Variants in GATAD2B observed in about 807,000 individuals in gnomAD.
GATAD2B encodes transcriptional repressor p66-beta.
A neutral mutation model predicts 64.3 loss-of-function variants in GATAD2B; 8 were observed. The observed-to-expected ratio is 0.12, with a 90% confidence interval of 0.07 to 0.22. GATAD2B has a LOEUF of 0.22. Ranked by LOEUF, GATAD2B falls within the 10% of genes least tolerant of loss-of-function variation. GATAD2B has a pLI of 1.00. For missense variants in GATAD2B, 453 were observed against 752.0 expected, an observed-to-expected ratio of 0.60 and a Z score of 4.65; for synonymous variants, 281 against 271.3, an observed-to-expected ratio of 1.04 and a Z score of -0.35.
intron 1 of GATAD2B, among the ~76,000 whole-genome samples, chr1:153,889,413 C>CAA (rs71093299): frequency 0.019 from 1,257 of 67,142 alleles, 33 homozygotes; most frequent in African/African-American, 0.055. Context: ...ACCCCGTCTC[C>CAA]AAAAAAAAAA....
intron 1 of GATAD2B, among the ~76,000 whole-genome samples, chr1:153,853,929 A>AC (rs939671690): frequency 6.6e-6 from 1 of 151,750 alleles, no homozygotes; most frequent in Non-Finnish European, 1.5e-5. Context: ...ATTCCCATCT[A>AC]CCCCCAGCCA....
intron 1 of GATAD2B, among the ~76,000 whole-genome samples, chr1:153,856,790 C>T (rs1446039822): frequency 1.3e-5 from 2 of 151,940 alleles, no homozygotes; most frequent in Non-Finnish European, 2.9e-5. Flanking sequence ...AAAAAGAATG[C>T]CTTTAACTTG....
intron 1 of GATAD2B, among the ~76,000 whole-genome samples, chr1:153,921,106 A>C (rs1678417124): frequency 6.6e-6 from 1 of 152,232 alleles, no homozygotes; most frequent in African/African-American, 2.4e-5. Flanking sequence ...ACAATACTTG[A>C]AAGGCTGCTC....
In GATAD2B at chr1:153,836,560, TA is replaced by T. The variant is rs944993342; in HGVS notation, c.-1-8213del. 8.9e-3 allele frequency among the ~76,000 whole-genome samples: 303 copies of T among 34,112 alleles called. 2 individuals carry two copies. Among genetic ancestry groups the T allele is most frequent in the Non-Finnish European group, 0.031 (242 of 7,734 alleles). The allele number at this position is 34,112 out of a possible 152,430, so 22.4% of individuals were successfully genotyped here. The stretch of plus-strand genomic sequence containing the variant: ...GCCACTGCACCCAGCCTAAAAAAGT[TA>T]AAAAAAAAAGGCATGGTGACTGAAG... On this transcript the variant is annotated intron_variant, in intron 1 of 10. Transcript: ENST00000368655.
At chr1:153,819,066 G>A in intron 3 of GATAD2B, 144 bp from the exon 4 acceptor site, 1 of 792,860 alleles carries the variant, frequency 1.3e-6, no homozygotes, top group Non-Finnish European at 2.0e-6. Context: ...TGTATCACTG[G>A]AGTCTGGCAC....
At chr1:153,864,705 C>T (rs11587151) in intron 1 of GATAD2B, among the ~76,000 whole-genome samples, 41,119 of 152,096 alleles carry the variant, frequency 0.27, 6,116 homozygotes, top group Admixed American at 0.38. Context: ...AACCAAGTAT[C>T]TAATTCTCAG....
intron 1 of GATAD2B, among the ~76,000 whole-genome samples, chr1:153,851,765 T>C (rs1675904911): frequency 6.6e-6 from 1 of 152,192 alleles, no homozygotes; most frequent in Non-Finnish European, 1.5e-5. Context: ...CACCAGTTTC[T>C]ACCCCAGCCC....
chr1:153,901,906 G>C (rs532443602), intron 1 of GATAD2B, among the ~76,000 whole-genome samples: 6 of 150,324 alleles, frequency 4.0e-5, no homozygotes, highest in Non-Finnish European at 7.4e-5. Context: ...GAACGTGCCC[G>C]GTCCTGTCTA....
intron 1 of GATAD2B, among the ~76,000 whole-genome samples, chr1:153,859,975 T>C (rs928450662): frequency 5.3e-5 from 7 of 132,422 alleles, no homozygotes; most frequent in Non-Finnish European, 9.3e-5. Flanking sequence ...TGGAGTGCAC[T>C]GGCGCGATCT....
intron 1 of GATAD2B, among the ~76,000 whole-genome samples, chr1:153,874,876 CTATT>C (rs763208540): frequency 2.8e-4 from 42 of 150,134 alleles, no homozygotes; most frequent in Non-Finnish European, 5.0e-4. Flanking sequence ...CACATCCAGC[CTATT>C]TATTTATTTT....
Position 153,816,429 on chromosome 1 carries a change from A to G in GATAD2B, c.1060T>C (p.Leu354=), listed in dbSNP as rs774329201. 5.6e-6 allele frequency: 9 copies of G among 1,614,074 alleles called. No homozygotes were observed. In the Admixed American group the frequency reaches 6.7e-5, roughly 12 times the overall value. Residue 354 remains leucine (L), a synonymous_variant, in exon 7 of 11, where the codon TTG becomes CTG. Transcript: ENST00000368655. This position sits in a 1 kb window ranked among gnomAD's most constrained non-coding sequence, Gnocchi z 4.9. ...TTTTCCAGCTGTTTGCGAAGAGCCA[A>G]TTTGGCTGCAGCCTGTGAGTTGGCA... is the stretch of plus-strand genomic sequence containing the variant. The part of the protein sequence containing the change: ...DAANSQAAAK[L]ALRKQLEKTL...
chr1:153,920,325 C>CA (rs759714345), intron 1 of GATAD2B, among the ~76,000 whole-genome samples: 21 of 151,730 alleles, frequency 1.4e-4, no homozygotes, highest in Middle Eastern at 3.4e-3. Flanking sequence ...GCCCGTCTGG[C>CA]AAAAAAAGGG....
rs114497933 is a variant in GATAD2B, at chr1:153,818,605, C to T, written c.597+186G>A. 5.6e-3 allele frequency among the ~76,000 whole-genome samples: 846 copies of T among 152,042 alleles called. 8 individuals carry two copies. The highest frequency in any genetic ancestry group is 0.019 in the African/African-American group (798 of 41,468). ...CTGGAGTTACAGGCGTGAGCCACCG[C>T]ACCTGGCTGGGAGTCAAGGTTTTCT... On this transcript the variant is annotated intron_variant, in intron 4 of 10. Transcript: ENST00000368655.
At chr1:153,874,110 A>T (rs1193962118) in intron 1 of GATAD2B, among the ~76,000 whole-genome samples, 1 of 151,442 alleles carries the variant, frequency 6.6e-6, no homozygotes, top group African/African-American at 2.4e-5. Flanking sequence ...AAAAATACAA[A>T]AATTAGCTGG....
At chr1:153,914,251 AAG>A (rs1209305043) in intron 1 of GATAD2B, among the ~76,000 whole-genome samples, 7 of 149,468 alleles carry the variant, frequency 4.7e-5, no homozygotes, top group East Asian at 1.9e-4. Flanking sequence ...AAAAAAAAAA[AAG>A]AGTTGTGAGC....
intron 1 of GATAD2B, among the ~76,000 whole-genome samples, chr1:153,846,799 T>C (rs1675704192): frequency 6.6e-6 from 1 of 151,856 alleles, no homozygotes; most frequent in South Asian, 2.1e-4. Flanking sequence ...GACCTCGTGA[T>C]CCACCTGCTG....
In GATAD2B at chr1:153,811,801, G is replaced by A; in HGVS notation, c.1578C>T (p.Ala526=). ...SSLQRGIPTS[A]RSMLSNFAQA... is the part of the protein sequence containing the mutation. ...GTGCAAAGTTTGAAAGCATGGAGCG[G>A]GCAGATGTGGGTATGCCACGCTGGA... The change falls in exon 10 of 11, where the codon GCC becomes GCT. Residue 526 remains alanine, a synonymous_variant. Transcript: ENST00000368655. 6.2e-7 allele frequency: 1 copy of A among 1,613,180 alleles called. No homozygotes were observed. Among genetic ancestry groups the A allele is most frequent in the Non-Finnish European group, 8.5e-7 (1 of 1,179,696 alleles).
At chr1:153,882,024 T>C (rs1677026489) in intron 1 of GATAD2B, among the ~76,000 whole-genome samples, 1 of 152,118 alleles carries the variant, frequency 6.6e-6, no homozygotes, top group African/African-American at 2.4e-5. Flanking sequence ...CTTTTACCCA[T>C]GATGCCTAGC....
chr1:153,853,031 C>T lies in GATAD2B; in HGVS notation c.-1-24683G>A, dbSNP rs576539316. The T allele has an allele frequency of 5.9e-4, 863 of 1,455,356 alleles. 11 individuals are homozygous for T. In the South Asian group the frequency reaches 9.4e-3, roughly 16 times the overall value. The allele number at this position is 1,455,356 out of a possible 1,614,324, so 90.2% of individuals were successfully genotyped here. A position where few individuals can be genotyped will look rare whatever the true frequency, so the allele number is the denominator to read the frequency against. On this transcript the variant is annotated intron_variant, in intron 1 of 10. Coordinates refer to ENST00000368655, the MANE Select transcript of GATAD2B (RefSeq NM_020699.4). The stretch of plus-strand genomic sequence containing the variant: ...TTGTCCATCAACCCTGTGATGAATC[C>T]TTGGCCCCAGTCACAGTAGTCGTCA...
Sources: allele counts gnomAD v4.1 joint callset (sites outside exome capture counted in the v4.1 genomes callset), GRCh38; gene constraint gnomAD v4.1.1; non-coding constraint Gnocchi (gnomAD v3.1); transcripts MANE v1.5; gene names NCBI Gene and HGNC (gene_info 2026-07-23, HGNC 2026-07-21).